CSMD1: variants seen among roughly 807,000 people sequenced by gnomAD.
CSMD1 encodes the protein CUB and Sushi multiple domains 1.
Under a neutral mutation model 417.5 loss-of-function variants are expected in CSMD1, and 213 were observed. The ratio of observed to expected loss-of-function variants is 0.51; its 90% CI spans 0.46 to 0.57. The LOEUF is 0.57. Among genes scored for constraint, CSMD1 ranks in the 20% least tolerant of loss-of-function variants. CSMD1 has a pLI of 0.00. For missense variants in CSMD1, 6,923 were observed against 4,529.7 expected, an observed-to-expected ratio of 1.53 and a Z score of -15.17; for synonymous variants, 2,862 against 1,736.8, an observed-to-expected ratio of 1.65 and a Z score of -16.11.
chr8:4,433,028 G>C (rs940850557), intron 2 of CSMD1, among the ~76,000 whole-genome samples: 2 of 152,068 alleles, frequency 1.3e-5, no homozygotes, highest in African/African-American at 4.8e-5. Context: ...ACACTGTCGT[G>C]AACTACGTAT....
chr8:4,229,153 T>C (rs1323820149), intron 3 of CSMD1, among the ~76,000 whole-genome samples: 3 of 152,184 alleles, frequency 2.0e-5, no homozygotes, highest in Non-Finnish European at 4.4e-5. Context: ...CTTTTTCTAT[T>C]TGGGCAGGAC....
intron 12 of CSMD1, among the ~76,000 whole-genome samples, chr8:3,467,825 G>T (rs889173924): frequency 6.6e-6 from 1 of 152,046 alleles, no homozygotes; most frequent in South Asian, 2.1e-4. Context: ...TGATTTCATG[G>T]GTAATAACTT....
At chr8:3,288,752 T>C (rs1202566128) in intron 25 of CSMD1, among the ~76,000 whole-genome samples, 1 of 147,114 alleles carries the variant, frequency 6.8e-6, no homozygotes, top group South Asian at 2.1e-4. Flanking sequence ...AAAAACCAGC[T>C]CCTGGATTCA....
At position 3,209,670 on chromosome 8, in the gene CSMD1, C is replaced by G. The variant is rs1019560845; in HGVS notation, c.4868-4050G>C. Among the ~76,000 whole-genome samples the G allele has an allele frequency of 7.9e-5, 12 of 152,152 alleles. No individual in the cohort carries two copies. The South Asian group carries it at 2.5e-3, about 32-fold the overall frequency. On this transcript the variant is annotated intron_variant, in intron 30 of 69. Coordinates refer to ENST00000635120, the MANE Select transcript of CSMD1 (RefSeq NM_033225.6). The stretch of plus-strand genomic sequence containing the variant: ...TGCATTACTGTGCTAATCTAAGAAA[C>G]AGGCCTGGTGCTTCTCACCTTAGAA...
chr8:4,699,210 T>A (rs539913010), intron 1 of CSMD1, among the ~76,000 whole-genome samples: 1 of 152,358 alleles, frequency 6.6e-6, no homozygotes, highest in East Asian at 1.9e-4. Flanking sequence ...AAGTTAATAC[T>A]CAAATGTTTT....
At chr8:2,965,442 C>T (rs1803871148) in intron 59 of CSMD1, among the ~76,000 whole-genome samples, 1 of 152,138 alleles carries the variant, frequency 6.6e-6, no homozygotes. Flanking sequence ...GAACACCTCA[C>T]ACAGCTAGGG....
intron 23 of CSMD1, among the ~76,000 whole-genome samples, chr8:3,341,795 C>T (rs1402450288): frequency 6.6e-6 from 1 of 152,168 alleles, no homozygotes; most frequent in Non-Finnish European, 1.5e-5. Context: ...ACAGGCTTTT[C>T]AAACAGTTTT....
intron 28 of CSMD1, among the ~76,000 whole-genome samples, chr8:3,219,883 T>C (rs1798101511): frequency 6.6e-6 from 1 of 152,148 alleles, no homozygotes; most frequent in Non-Finnish European, 1.5e-5. Flanking sequence ...TTTCAAAATA[T>C]TGGAATAGTC....
chr8:4,373,878 C>T lies in CSMD1; in HGVS notation c.415+46075G>A, dbSNP rs1019157718. ...TGTATAATTCTTTCTTTTGCTTTAA[C>T]GCAGAAGCTGTTAGTGAGGTATTAA... On this transcript the variant is annotated intron_variant, in intron 3 of 69. Transcript: ENST00000635120. Among the ~76,000 whole-genome samples, 21 of 152,100 alleles carry T rather than the reference C, an allele frequency of 1.4e-4. 1 individual carries two copies. Among genetic ancestry groups the T allele is most frequent in the Admixed American group, 1.2e-3 (18 of 15,268 alleles).
At chr8:3,654,734 T>C (rs773259856) in intron 7 of CSMD1, among the ~76,000 whole-genome samples, 2 of 152,194 alleles carry the variant, frequency 1.3e-5, no homozygotes, top group East Asian at 1.9e-4. Flanking sequence ...CTGCAGGTGA[T>C]GAAGTGCTCC....
chr8:4,478,765 G>A (rs1185716632), intron 2 of CSMD1, among the ~76,000 whole-genome samples: 1 of 152,142 alleles, frequency 6.6e-6, no homozygotes, highest in Non-Finnish European at 1.5e-5. Flanking sequence ...CATAAAATAT[G>A]TAACAAATTT....
At chr8:4,295,964 T>G (rs1797658844) in intron 3 of CSMD1, among the ~76,000 whole-genome samples, 1 of 151,696 alleles carries the variant, frequency 6.6e-6, no homozygotes, top group African/African-American at 2.4e-5. Context: ...GTAGAACATT[T>G]TCCTGAAAAA....
intron 20 of CSMD1, among the ~76,000 whole-genome samples, chr8:3,361,550 G>T (rs1809171274): frequency 6.7e-6 from 1 of 150,104 alleles, no homozygotes; most frequent in South Asian, 2.1e-4. Context: ...TACTCGGGAG[G>T]CCGAGGCAGA....
intron 3 of CSMD1, among the ~76,000 whole-genome samples, chr8:4,388,971 C>A (rs780837982): frequency 2.6e-5 from 4 of 152,190 alleles, no homozygotes; most frequent in African/African-American, 4.8e-5. Flanking sequence ...ACCTCACACA[C>A]TTGTAACATA....
intron 30 of CSMD1, among the ~76,000 whole-genome samples, chr8:3,212,444 G>A (rs931436061): frequency 6.6e-6 from 1 of 152,034 alleles, no homozygotes; most frequent in Non-Finnish European, 1.5e-5. Context: ...CACCTACCAG[G>A]CTCCAGCGAT....
chr8:3,852,823 C>T (rs763996752), intron 5 of CSMD1, among the ~76,000 whole-genome samples: 65 of 152,142 alleles, frequency 4.3e-4, no homozygotes, highest in Middle Eastern at 3.2e-3. Context: ...CAATTCTCCG[C>T]TTTCTGTAAC....
At chr8:4,270,462 C>T (rs777659472) in intron 3 of CSMD1, among the ~76,000 whole-genome samples, 1 of 152,070 alleles carries the variant, frequency 6.6e-6, no homozygotes, top group Non-Finnish European at 1.5e-5. Context: ...ACAGAGAAGC[C>T]GCAGAGCTTT....
intron 5 of CSMD1, among the ~76,000 whole-genome samples, chr8:3,857,269 A>G (rs140601504): frequency 6.6e-6 from 1 of 152,160 alleles, no homozygotes; most frequent in Non-Finnish European, 1.5e-5. Flanking sequence ...CAAATGGAGT[A>G]ATCTTTAAAC....
intron 10 of CSMD1, among the ~76,000 whole-genome samples, chr8:3,539,074 G>A (rs1299377480): frequency 2.0e-5 from 3 of 152,246 alleles, no homozygotes; most frequent in East Asian, 1.9e-4. Flanking sequence ...ACTGAGCCAC[G>A]TCTCTTACAG....
Sources: gnomAD v4.1 joint callset for allele counts (sites outside exome capture counted in the v4.1 genomes callset) on GRCh38, gnomAD v4.1.1 for gene constraint, MANE v1.5 for transcripts, NCBI Gene and HGNC (gene_info 2026-07-23, HGNC 2026-07-21) for gene names.